Variants in LHFPL6 observed in about 807,000 individuals in gnomAD.
LHFPL6 encodes the protein LHFPL tetraspan subfamily member 6 protein.
LHFPL6 carries 9 observed loss-of-function variants against 20.6 expected under a neutral mutation model. The ratio of observed to expected loss-of-function variants is 0.44; its 90% CI spans 0.26 to 0.76. The LOEUF (loss-of-function observed/expected upper bound fraction) is 0.76, where lower values mean the gene tolerates loss of function less well. Ranked by LOEUF, LHFPL6 falls within the 30% of genes least tolerant of loss-of-function variation. The probability of loss-of-function intolerance (pLI) is 0.20; values close to 1 mark genes in which losing one functional copy is unlikely to be tolerated. For synonymous variants in LHFPL6, 105 were observed against 98.7 expected (o/e 1.06, Z -0.38); for missense variants, 218 against 253.5 (o/e 0.86, Z 0.95).
At chr13:39,555,302 G>A (rs931139177) in intron 2 of LHFPL6, among the ~76,000 whole-genome samples, 13 of 148,328 alleles carry the variant, frequency 8.8e-5, no homozygotes, top group Admixed American at 7.4e-4. Flanking sequence ...GTAAAACTTT[G>A]AAAAACAGAG....
intron 2 of LHFPL6, among the ~76,000 whole-genome samples, chr13:39,572,290 G>C (rs7318457): frequency 0.077 from 2,980 of 38,460 alleles, 30 homozygotes; most frequent in African/African-American, 0.13. Flanking sequence ...TTTAAACTCT[G>C]TGTGTGTGTG....
At chr13:39,501,403 A>T (rs1350258495) in intron 2 of LHFPL6, among the ~76,000 whole-genome samples, 1 of 152,114 alleles carries the variant, frequency 6.6e-6, no homozygotes, top group Non-Finnish European at 1.5e-5. Flanking sequence ...TTTTTACATC[A>T]TAGAATGTAT....
rs143615185 is a variant in LHFPL6 at position 39,389,283 on chromosome 13, A to T, written c.386-10757T>A. Among the ~76,000 whole-genome samples the T allele has an allele frequency of 2.5e-3, 386 of 152,270 alleles. 1 individual carries two copies. Among genetic ancestry groups the T allele is most frequent in the African/African-American group, 8.8e-3 (366 of 41,542 alleles). On this transcript the variant is annotated intron_variant, in intron 2 of 3. Coordinates refer to ENST00000379589, the MANE Select transcript of LHFPL6 (RefSeq NM_005780.3). ...GGAACTAGTGGGGTGTGAGTAACCA[A>T]ATTCCCTTGGAAGAAAGGAAGAGTG...
At chr13:39,345,537 A>AAAAAAAAAAAAAG (rs1593279014) in intron 3 of LHFPL6, among the ~76,000 whole-genome samples, 1 of 146,504 alleles carries the variant, frequency 6.8e-6, no homozygotes, top group Non-Finnish European at 1.5e-5. Context: ...AAAAAAAAAA[A>AAAAAAAAAAAAAG]AAAGAAAGAA....
intron 2 of LHFPL6, among the ~76,000 whole-genome samples, chr13:39,463,877 C>T (rs1373366370): frequency 6.6e-6 from 1 of 152,170 alleles, no homozygotes; most frequent in Non-Finnish European, 1.5e-5. Flanking sequence ...TCTGCTATTC[C>T]TGCCCACCTC....
chr13:39,438,774 C>T (rs576475371), intron 2 of LHFPL6, among the ~76,000 whole-genome samples: 11 of 152,334 alleles, frequency 7.2e-5, no homozygotes, highest in African/African-American at 2.6e-4. Flanking sequence ...AAGCCTTAAG[C>T]CTTGGCAACT....
At chr13:39,507,287 G>A (rs1869519144) in intron 2 of LHFPL6, among the ~76,000 whole-genome samples, 1 of 152,170 alleles carries the variant, frequency 6.6e-6, no homozygotes, top group Admixed American at 6.5e-5. Context: ...TTGCATGCTA[G>A]GACCTGTAGA....
chr13:39,481,540 CA>C (rs1360136432), intron 2 of LHFPL6, among the ~76,000 whole-genome samples: 3 of 152,098 alleles, frequency 2.0e-5, no homozygotes, highest in Non-Finnish European at 4.4e-5. Flanking sequence ...CTTCTTTGAG[CA>C]AAGATATCTG....
At chr13:39,513,425 C>T (rs1869793867) in intron 2 of LHFPL6, among the ~76,000 whole-genome samples, 1 of 152,180 alleles carries the variant, frequency 6.6e-6, no homozygotes, top group African/African-American at 2.4e-5. Context: ...TATCCTATGC[C>T]TTCCAGTGGC....
intron 2 of LHFPL6, among the ~76,000 whole-genome samples, chr13:39,511,023 C>G (rs1869683805): frequency 6.6e-6 from 1 of 152,132 alleles, no homozygotes; most frequent in Non-Finnish European, 1.5e-5. Context: ...CAGGTGCCCA[C>G]CACCACGCCC....
chr13:39,513,612 C>T (rs1289514141), intron 2 of LHFPL6, among the ~76,000 whole-genome samples: 1 of 152,112 alleles, frequency 6.6e-6, no homozygotes, highest in Non-Finnish European at 1.5e-5. Context: ...TATTGAGTAC[C>T]TACTATATTC....
intron 2 of LHFPL6, among the ~76,000 whole-genome samples, chr13:39,571,999 GGCTGAGAAAAATCCT>G (rs1350427331): frequency 7.2e-5 from 11 of 152,156 alleles, no homozygotes; most frequent in Admixed American, 7.2e-4. Context: ...TTGGTGAAGG[GGCTGAGAAAAATCCT>G]GCATCAATAT....
intron 2 of LHFPL6, among the ~76,000 whole-genome samples, chr13:39,563,505 G>T (rs1318138535): frequency 6.6e-6 from 1 of 152,130 alleles, no homozygotes; most frequent in Non-Finnish European, 1.5e-5. Context: ...AGATAATGAG[G>T]CAAGGGAGCA....
At chr13:39,584,886 C>T (rs1471163847) in intron 2 of LHFPL6, among the ~76,000 whole-genome samples, 2 of 152,026 alleles carry the variant, frequency 1.3e-5, no homozygotes, top group Non-Finnish European at 2.9e-5. Flanking sequence ...CACACACAGC[C>T]AGGAAGAAGA....
At chr13:39,439,267 G>C (rs7985373) in intron 2 of LHFPL6, among the ~76,000 whole-genome samples, 144,247 of 152,300 alleles carry the variant, frequency 0.95, 68,808 homozygotes, top group East Asian at 1. Flanking sequence ...CCTGCTGGGT[G>C]CAGGACTTGC....
rs74044035 is a variant in LHFPL6 at position 39,354,506 on chromosome 13, C to G, written c.485-10452G>C. ...GAGGGTCTCCTTACTTCCAAATGAC[C>G]GTACTAGCTCTCCGGAAATGGTTGC... On this transcript the variant is annotated intron_variant, in intron 3 of 3. Transcript: ENST00000379589. Among the ~76,000 whole-genome samples the G allele has an allele frequency of 3.9e-3, 596 of 152,294 alleles. 3 individuals carry two copies. The highest frequency in any genetic ancestry group is 0.013 in the African/African-American group (531 of 41,562).
chr13:39,354,497 C>A (rs116380257), intron 3 of LHFPL6, among the ~76,000 whole-genome samples: 143 of 152,308 alleles, frequency 9.4e-4, no homozygotes, highest in African/African-American at 3.3e-3. Context: ...CTCCTTACTT[C>A]CAAATGACCG....
rs575591132 is a variant in LHFPL6 at position 39,541,946 on chromosome 13, C to A, written c.385+58886G>T. Among the ~76,000 whole-genome samples, 255 of 151,734 alleles carry A rather than the reference C, an allele frequency of 1.7e-3. 2 individuals carry two copies. Among genetic ancestry groups the A allele is most frequent in the Non-Finnish European group, 2.4e-3 (164 of 67,910 alleles). ...CTACTAAAAATACAAAAAAAATTAG[C>A]CAGGCATGGTGGCAGGCACCTGTAG... On this transcript the variant is annotated intron_variant, in intron 2 of 3. Transcript: ENST00000379589.
chr13:39,513,682 A>G (rs560476102), intron 2 of LHFPL6, among the ~76,000 whole-genome samples: 1 of 152,344 alleles, frequency 6.6e-6, no homozygotes, highest in African/African-American at 2.4e-5. Flanking sequence ...ATAAGTCTAT[A>G]AAGTAGGTAT....
Sources: gnomAD v4.1 joint callset for allele counts (sites outside exome capture counted in the v4.1 genomes callset) on GRCh38, gnomAD v4.1.1 for gene constraint, MANE v1.5 for transcripts, NCBI Gene and HGNC (gene_info 2026-07-23, HGNC 2026-07-21) for gene names.